Variants in EPM2A observed in about 807,000 individuals in gnomAD.
The protein encoded by EPM2A is laforin.
Under a neutral mutation model 26.5 loss-of-function variants are expected in EPM2A, and 21 were observed. The observed-to-expected ratio is 0.79, with a 90% CI of 0.56 to 1.14. EPM2A has a LOEUF of 1.14. Among genes scored for constraint, EPM2A ranks in the 50% most tolerant of loss-of-function variants. The pLI is 0.00. For missense variants in EPM2A, 458 were observed against 440.8 expected, an observed-to-expected ratio of 1.04 and a Z score of -0.35; for synonymous variants, 217 against 177.6, an observed-to-expected ratio of 1.22 and a Z score of -1.76.
chr6:145,626,065 T>TTGTGAAGATTAAACTGGATA lies in EPM2A; in HGVS notation c.*1331_*1350dup. 5 of 1,132,548 alleles carry TTGTGAAGATTAAACTGGATA rather than the reference T, an allele frequency of 4.4e-6. No homozygotes were observed. The South Asian group carries it at 8.3e-5, about 19-fold the overall frequency. The allele number at this position is 1,132,548 out of a possible 1,614,324, so 70.2% of individuals were successfully genotyped here. ...ATAATGAGACCTTCTTCATTGGATATTGTGAAGATTAAACTGGATATGATT... is the reference window on the plus strand; with the variant it reads ...ATAATGAGACCTTCTTCATTGGATATTGTGAAGATTAAACTGGATATGTGAAGATTAAACTGGATATGATT... On this transcript the variant is annotated 3_prime_UTR_variant, in exon 4 of 4. Transcript: ENST00000367519.
rs1336055172 is a variant in EPM2A, at chr6:145,614,809, G to A, written c.340+20436C>T. Among the ~76,000 whole-genome samples the A allele has an allele frequency of 3.3e-5, 5 of 152,290 alleles. No individual in the cohort carries two copies. In the South Asian group the frequency reaches 1.0e-3, roughly 32 times the overall value. ...ACATCACAGATCACAAATCACCATA[G>A]TAGATAGAATAATAATGAAATTTGA... On this transcript the variant is annotated intron_variant, in intron 2 of 3. Transcript: ENST00000450221.
intron 2 of EPM2A, among the ~76,000 whole-genome samples, chr6:145,656,448 T>C (rs1778292417): frequency 6.6e-6 from 1 of 152,228 alleles, no homozygotes; most frequent in African/African-American, 2.4e-5. Flanking sequence ...TAGTGGGCCC[T>C]GAAACTAACA....
intron 2 of EPM2A, among the ~76,000 whole-genome samples, chr6:145,578,988 C>G (rs1474282845): frequency 6.6e-6 from 1 of 152,024 alleles, no homozygotes; most frequent in South Asian, 2.1e-4. Flanking sequence ...ACATCACACA[C>G]CGGGGCCTGT....
intron 2 of EPM2A, among the ~76,000 whole-genome samples, chr6:145,650,777 C>T (rs1777831461): frequency 6.6e-6 from 1 of 152,088 alleles, no homozygotes; most frequent in Non-Finnish European, 1.5e-5. Flanking sequence ...TCTACTGTGC[C>T]TCAACTAAAG....
intron 2 of EPM2A, among the ~76,000 whole-genome samples, chr6:145,532,631 TGGAGTCTGTAAGTGGCCC>T (rs2114785328): frequency 6.6e-6 from 1 of 152,272 alleles, no homozygotes; most frequent in East Asian, 1.9e-4. Flanking sequence ...GCACTCTCCT[TGGAGTCTGTAAGTGGCCC>T]GGACCCTCAG....
chr6:145,482,238 T>C (rs1779618663), intron 4 of EPM2A, among the ~76,000 whole-genome samples: 1 of 152,204 alleles, frequency 6.6e-6, no homozygotes, highest in Admixed American at 6.5e-5. Flanking sequence ...ATTATATCGT[T>C]AGTTAACAGA....
At chr6:145,422,057 G>GTGTA (rs1554235425) in intron 4 of EPM2A, among the ~76,000 whole-genome samples, 1 of 131,730 alleles carries the variant, frequency 7.6e-6, no homozygotes, top group Non-Finnish European at 1.6e-5. Context: ...ATATATGAGT[G>GTGTA]TATATATATA....
intron 2 of EPM2A, among the ~76,000 whole-genome samples, chr6:145,618,601 G>A (rs1775564913): frequency 6.6e-6 from 1 of 152,204 alleles, no homozygotes; most frequent in African/African-American, 2.4e-5. Flanking sequence ...CTTTTGCTCA[G>A]CACTTCTCCT....
At chr6:145,682,610 G>T (rs770507998) in intron 2 of EPM2A, 6 of 152,116 alleles carry the variant, frequency 3.9e-5, no homozygotes, top group Middle Eastern at 3.2e-3. Flanking sequence ...AGTTCCATGA[G>T]AGCAAGGATC....
intron 2 of EPM2A, among the ~76,000 whole-genome samples, chr6:145,610,363 C>T (rs539133767): frequency 2.8e-4 from 43 of 152,280 alleles, no homozygotes; most frequent in African/African-American, 8.4e-4. Flanking sequence ...CAAAAGCTAC[C>T]GCTCTAAAAC....
At chr6:145,487,300 A>G (rs1779691026) in intron 4 of EPM2A, among the ~76,000 whole-genome samples, 1 of 152,148 alleles carries the variant, frequency 6.6e-6, no homozygotes, top group South Asian at 2.1e-4. Context: ...TACAATGAAC[A>G]TATGTGTGCA....
intron 4 of EPM2A, among the ~76,000 whole-genome samples, chr6:145,485,464 T>C (rs543075155): frequency 1.0e-4 from 15 of 150,220 alleles, no homozygotes; most frequent in African/African-American, 3.7e-4. Context: ...TGGCAGGGGG[T>C]GGGAGAGGAT....
chr6:145,576,626 A>G (rs574918757), intron 2 of EPM2A, among the ~76,000 whole-genome samples: 1 of 152,334 alleles, frequency 6.6e-6, no homozygotes, highest in African/African-American at 2.4e-5. Flanking sequence ...AACATCAGAC[A>G]TGTCTTACAA....
chr6:145,413,935 C>A (rs577588248), intron 4 of EPM2A, among the ~76,000 whole-genome samples: 3 of 152,266 alleles, frequency 2.0e-5, no homozygotes, highest in African/African-American at 7.2e-5. Context: ...TTGGCCTCTT[C>A]CCCCTCTCCT....
intron 2 of EPM2A, among the ~76,000 whole-genome samples, chr6:145,604,367 A>C (rs1327730449): frequency 6.6e-6 from 1 of 152,126 alleles, no homozygotes; most frequent in Non-Finnish European, 1.5e-5. Context: ...ATGTTTGGAT[A>C]CCTTGACTAT....
Position 145,635,627 on chromosome 6 carries a change from A to G in EPM2A, c.477-141T>C, listed in dbSNP as rs928323666. 3 of 787,106 alleles carry G rather than the reference A, an allele frequency of 3.8e-6. No homozygotes were observed. The African/African-American group carries it at 5.2e-5, about 14-fold the overall frequency. The allele number at this position is 787,106 out of a possible 1,614,324, so 48.8% of individuals were successfully genotyped here. A position where few individuals can be genotyped will look rare whatever the true frequency, so the allele number is the denominator to read the frequency against. On this transcript the variant is annotated intron_variant, in intron 2 of 3. Transcript: ENST00000367519. ...AAGCTAGATATTTTAGAATATGAAC[A>G]CCAATGTTATTATTGAAAGAAAAAG...
intron 2 of EPM2A, among the ~76,000 whole-genome samples, chr6:145,526,609 T>C (rs1338150429): frequency 6.6e-6 from 1 of 152,026 alleles, no homozygotes; most frequent in African/African-American, 2.4e-5. Flanking sequence ...TCTGAGGAAC[T>C]TCTGTATTTC....
At chr6:145,615,237 T>C (rs1013153185) in intron 2 of EPM2A, among the ~76,000 whole-genome samples, 3 of 152,156 alleles carry the variant, frequency 2.0e-5, no homozygotes, top group African/African-American at 4.8e-5. Context: ...TGTGCTGTTC[T>C]CATGATAATA....
At chr6:145,465,470 C>T (rs1372878838) in intron 4 of EPM2A, among the ~76,000 whole-genome samples, 1 of 152,020 alleles carries the variant, frequency 6.6e-6, no homozygotes, top group African/African-American at 2.4e-5. Context: ...TCTCTCAGCT[C>T]GTCAAAGTCA....
Sources: allele counts gnomAD v4.1 joint callset (sites outside exome capture counted in the v4.1 genomes callset), GRCh38; gene constraint gnomAD v4.1.1; transcripts MANE v1.5; gene names NCBI Gene and HGNC (gene_info 2026-07-23, HGNC 2026-07-21).